Variants in ELSPBP1 observed in about 807,000 individuals in gnomAD.
ELSPBP1 encodes the protein epididymal sperm-binding protein 1.
Under a neutral mutation model 33.3 loss-of-function variants are expected in ELSPBP1, and 38 were observed. The observed-to-expected ratio is 1.14, with a 90% confidence interval of 0.88 to 1.50. The LOEUF (loss-of-function observed/expected upper bound fraction) is 1.50, where lower values mean the gene tolerates loss of function less well. ELSPBP1 is among the 40% of genes most tolerant of loss of function. ELSPBP1 has a pLI of 0.00. For missense variants in ELSPBP1, 267 were observed against 263.5 expected (o/e 1.01, Z -0.09); for synonymous variants, 85 against 94.1 (o/e 0.90, Z 0.56).
At chr19:48,016,791 G>T (rs1040340917) in intron 4 of ELSPBP1, among the ~76,000 whole-genome samples, 2 of 151,814 alleles carry the variant, frequency 1.3e-5, no homozygotes, top group African/African-American at 2.4e-5. Context: ...CAGGCACGGG[G>T]TTTCACCATG....
At chr19:48,013,580 G>A (rs1967098983) in intron 2 of ELSPBP1, among the ~76,000 whole-genome samples, 1 of 152,044 alleles carries the variant, frequency 6.6e-6, no homozygotes, top group South Asian at 2.1e-4. Context: ...TGCTAGGTGT[G>A]GTGGCGGGCA....
chr19:48,008,400 T>G (rs1280815113), intron 1 of ELSPBP1, among the ~76,000 whole-genome samples: 1 of 152,148 alleles, frequency 6.6e-6, no homozygotes, highest in Non-Finnish European at 1.5e-5. Context: ...GCCTGGCTAA[T>G]TTAAATGAAA....
rs191622281 is a variant in ELSPBP1 at position 48,019,079 on chromosome 19, G to A, written c.356-640G>A. On this transcript the variant is annotated intron_variant, in intron 4 of 6. Transcript: ENST00000339841. ...TGAGGCAGAAGAATCTCTTGAACCC[G>A]GGAAGTGGAGGTTGCAGTGAGCCGA... Among the ~76,000 whole-genome samples the A allele has an allele frequency of 2.3e-3, 351 of 152,192 alleles. 2 individuals carry two copies. Among genetic ancestry groups the A allele is most frequent in the African/African-American group, 7.9e-3 (328 of 41,514 alleles).
chr19:48,011,331 CTG>C lies in ELSPBP1; in HGVS notation c.70+2595_70+2596del, dbSNP rs1031733609. On this transcript the variant is annotated intron_variant, in intron 2 of 6. Transcript: ENST00000339841. This position sits in a 1 kb window ranked among gnomAD's most constrained non-coding sequence, Gnocchi z 4.5. ...AGGTTGATAATGATGGTGACAATGACTGATGATGATGACAATTATGACGATGA... is the reference window on the plus strand; with the variant it reads ...AGGTTGATAATGATGGTGACAATGACATGATGATGACAATTATGACGATGA... 6.8e-6 allele frequency among the ~76,000 whole-genome samples: 1 copy of C among 147,654 alleles called. No individual in the cohort carries two copies. Among genetic ancestry groups the C allele is most frequent in the Non-Finnish European group, 1.5e-5 (1 of 67,310 alleles).
chr19:48,000,429 C>T (rs903744753), intron 1 of ELSPBP1, among the ~76,000 whole-genome samples: 1 of 151,570 alleles, frequency 6.6e-6, no homozygotes, highest in East Asian at 2.0e-4. Flanking sequence ...TTAGTAGAGA[C>T]GTGGTTTCAC....
In ELSPBP1 at chr19:48,019,810, C is replaced by A. The variant is rs201493427; in HGVS notation, c.447C>A (p.Asn149Lys). The A allele has an allele frequency of 1.3e-5, 21 of 1,611,054 alleles. No homozygotes were observed. In the East Asian group the frequency reaches 4.5e-4, roughly 34 times the overall value. The change falls in exon 5 of 7, where the codon AAC becomes AAA. Residue 149 changes from asparagine (N) to lysine (K), a missense_variant. Physicochemically the swap from Asn to Lys is moderately conservative, Grantham distance 94. Transcript: ENST00000339841. ...CTGATTGCATGGAGGATGAAAGCAA[C>A]AAGCTCTGGTGCCCAACCACAGAGA... is the stretch of plus-strand genomic sequence containing the variant. ...VVSDCMEDES[N>K]KLWCPTTENM...
chr19:48,016,521 T>C (rs1490453317), intron 4 of ELSPBP1, among the ~76,000 whole-genome samples: 1 of 87,716 alleles, frequency 1.1e-5, no homozygotes, highest in East Asian at 2.3e-4. Flanking sequence ...TCTTTCTTTC[T>C]TTCTTTCTTC....
intron 1 of ELSPBP1, among the ~76,000 whole-genome samples, chr19:48,005,883 C>T (rs115996934): frequency 3.6e-3 from 555 of 152,268 alleles, no homozygotes; most frequent in African/African-American, 0.013. Flanking sequence ...ATGGTACCTA[C>T]CACGTTGGGC....
rs1966898826 is a variant in ELSPBP1 at position 47,994,821 on chromosome 19, GACC to G, written c.-18+11_-18+13del. 1 of 152,156 alleles carries G rather than the reference GACC, an allele frequency of 6.6e-6. No homozygotes were observed. The highest frequency in any genetic ancestry group is 2.4e-5 in the African/African-American group (1 of 41,418). 9.4% of individuals were successfully genotyped at this position (152,156 alleles called of 1,614,324 possible). On this transcript the variant is annotated intron_variant, in intron 1 of 6. Transcript: ENST00000339841. ...AAGAACTCTCTCAAAGGTACATTTT[GACC>G]CGGAAACTTGGGAGGGTGTGACAAG...
chr19:48,014,353 T>C, intron 3 of ELSPBP1, 45 bp downstream of exon 3: 1 of 1,593,266 alleles, frequency 6.3e-7, no homozygotes, highest in South Asian at 1.1e-5. Flanking sequence ...TTGAATAGGG[T>C]GGATCACAAA....
At chr19:48,015,757 T>C (rs1967124701) in intron 3 of ELSPBP1, 136 bp from the exon 4 acceptor site, 1 of 762,930 alleles carries the variant, frequency 1.3e-6, no homozygotes, top group Non-Finnish European at 2.0e-6. Flanking sequence ...AGGCAAATGC[T>C]TGATGAAATA....
chr19:48,023,018 T>G (rs1047946686), intron 6 of ELSPBP1, among the ~76,000 whole-genome samples: 4 of 151,180 alleles, frequency 2.6e-5, no homozygotes, highest in Non-Finnish European at 5.9e-5. Flanking sequence ...TACCCCAGCC[T>G]GGGGAACAGA....
chr19:48,020,154 T>A (rs963465551), intron 5 of ELSPBP1, among the ~76,000 whole-genome samples: 5 of 152,082 alleles, frequency 3.3e-5, no homozygotes, highest in African/African-American at 1.2e-4. Flanking sequence ...CCAGGGTTTT[T>A]AAAAACCCCA....
At chr19:48,015,077 C>A (rs1967117411) in intron 3 of ELSPBP1, among the ~76,000 whole-genome samples, 1 of 151,960 alleles carries the variant, frequency 6.6e-6, no homozygotes, top group Non-Finnish European at 1.5e-5. Context: ...TGTCAATTAA[C>A]ACATATGTTT....
chr19:48,014,325 T>C lies in ELSPBP1; in HGVS notation c.208+17T>C, dbSNP rs1208434249. On this transcript the variant is annotated intron_variant, in intron 3 of 6. Coordinates refer to ENST00000339841, the MANE Select transcript of ELSPBP1 (RefSeq NM_022142.5). Reference sequence around the variant, plus strand: ...AGAGTGAAGGTGAGTGGTATCACATTGTCCCTGCCAGTGGCCTTTGAATAG... The same window carrying C: ...AGAGTGAAGGTGAGTGGTATCACATCGTCCCTGCCAGTGGCCTTTGAATAG... 1 of 1,611,374 alleles carries C rather than the reference T, an allele frequency of 6.2e-7. No individual in the cohort carries two copies. Among genetic ancestry groups the C allele is most frequent in the Non-Finnish European group, 8.5e-7 (1 of 1,179,096 alleles).
intron 1 of ELSPBP1, among the ~76,000 whole-genome samples, chr19:48,000,220 C>G (rs1275114462): frequency 2.7e-5 from 4 of 146,502 alleles, no homozygotes; most frequent in South Asian, 2.2e-4. Context: ...CGGCCGCCCC[C>G]CAAAAATCCT....
intron 1 of ELSPBP1, 101 bp from the exon 2 acceptor site, chr19:48,008,550 G>A: frequency 2.6e-6 from 2 of 771,144 alleles, no homozygotes; most frequent in Admixed American, 2.4e-5. Flanking sequence ...TTAAATTACT[G>A]TGGATGGAAA....
rs550948391 is a variant in ELSPBP1, at chr19:48,013,767, G to A, written c.71-404G>A. 1.2e-4 allele frequency among the ~76,000 whole-genome samples: 18 copies of A among 151,942 alleles called. No individual in the cohort carries two copies. The South Asian group carries it at 1.3e-3, about 11-fold the overall frequency. On this transcript the variant is annotated intron_variant, in intron 2 of 6. Transcript: ENST00000339841. Reference sequence around the variant, plus strand: ...AAATTTAAAAAGTACCATTGACTGCGTAGCTTATAAACAATATAAATTTCT... The same window carrying A: ...AAATTTAAAAAGTACCATTGACTGCATAGCTTATAAACAATATAAATTTCT...
intron 6 of ELSPBP1, among the ~76,000 whole-genome samples, chr19:48,023,738 C>T (rs1967239141): frequency 6.6e-6 from 1 of 152,124 alleles, no homozygotes; most frequent in African/African-American, 2.4e-5. Context: ...TATTTCTCTT[C>T]CTTCACCATT....
Sources: gnomAD v4.1 joint callset for allele counts (sites outside exome capture counted in the v4.1 genomes callset) on GRCh38, gnomAD v4.1.1 for gene constraint, Gnocchi (gnomAD v3.1) non-coding constraint, MANE v1.5 for transcripts, NCBI Gene and HGNC (gene_info 2026-07-23, HGNC 2026-07-21) for gene names.